The following SUGCT variants were observed in gnomAD, a reference collection of about 807,000 sequenced individuals.
SUGCT encodes succinyl-CoA:glutarate-CoA transferase.
In SUGCT, 41 loss-of-function variants were observed where a neutral mutation model predicts 55.0. The ratio of observed to expected loss-of-function variants is 0.74; its 90% CI spans 0.58 to 0.97. SUGCT has a LOEUF of 0.97. Among genes scored for constraint, SUGCT ranks in the 50% least tolerant of loss-of-function variants. The pLI, the probability that SUGCT is intolerant of heterozygous loss-of-function variation, is 0.00. For synonymous variants in SUGCT, 187 were observed against 200.4 expected, an observed-to-expected ratio of 0.93 and a Z score of 0.56; for missense variants, 568 against 547.8, an observed-to-expected ratio of 1.04 and a Z score of -0.37.
chr7:40,893,383 ATT>A, the SUGCT span, among the ~76,000 whole-genome samples: 1 of 152,212 alleles, frequency 6.6e-6, no homozygotes, highest in Non-Finnish European at 1.5e-5. Context: ...CAGAATACAT[ATT>A]CTTTTCAAAT....
chr7:40,996,058 G>C, the SUGCT span, among the ~76,000 whole-genome samples: 32 of 152,328 alleles, frequency 2.1e-4, no homozygotes, highest in East Asian at 5.6e-3. Flanking sequence ...TTTTGTCACA[G>C]ATGGAGAAAT....
At chr7:41,000,124 C>T in the SUGCT span, among the ~76,000 whole-genome samples, 1 of 152,040 alleles carries the variant, frequency 6.6e-6, no homozygotes, top group Non-Finnish European at 1.5e-5. Context: ...AATTGTAATT[C>T]AAATTCAAAG....
the SUGCT span, among the ~76,000 whole-genome samples, chr7:40,990,302 G>A: frequency 2.0e-5 from 3 of 152,168 alleles, no homozygotes; most frequent in Admixed American, 2.0e-4. Context: ...TATTAGTTTG[G>A]TGCAAAAGTA....
chr7:40,942,282 C>T, the SUGCT span, among the ~76,000 whole-genome samples: 22 of 152,184 alleles, frequency 1.4e-4, 1 homozygote, highest in South Asian at 4.3e-3. Flanking sequence ...CCAGCATTTG[C>T]TTGTCTGAAA....
intron 13 of SUGCT, among the ~76,000 whole-genome samples, chr7:40,754,028 G>A (rs1788141596): frequency 6.6e-6 from 1 of 152,136 alleles, no homozygotes; most frequent in African/African-American, 2.4e-5. Flanking sequence ...GGAAAGAAAT[G>A]TAATTTGTGT....
intron 12 of SUGCT, among the ~76,000 whole-genome samples, chr7:40,683,318 GTCGCT>G (rs1258846581): frequency 1.5e-4 from 23 of 152,258 alleles, no homozygotes; most frequent in African/African-American, 5.5e-4. Flanking sequence ...TTCTGCAAAT[GTCGCT>G]TCTCAGAGGG....
At chr7:40,693,561 T>C (rs1339243826) in intron 12 of SUGCT, among the ~76,000 whole-genome samples, 1 of 152,184 alleles carries the variant, frequency 6.6e-6, no homozygotes, top group African/African-American at 2.4e-5. Context: ...AACCCAGGCT[T>C]TTAGGCTTCA....
the SUGCT span, among the ~76,000 whole-genome samples, chr7:40,931,456 TC>T: frequency 6.6e-6 from 1 of 152,216 alleles, no homozygotes; most frequent in Non-Finnish European, 1.5e-5. Flanking sequence ...TAGGAAGGAT[TC>T]CCTCTTTTTC....
chr7:40,770,982 G>T (rs561314211), intron 13 of SUGCT, among the ~76,000 whole-genome samples: 45 of 152,152 alleles, frequency 3.0e-4, no homozygotes, highest in Non-Finnish European at 5.6e-4. Flanking sequence ...TATAGTGAAT[G>T]AATGAACTAA....
intron 12 of SUGCT, among the ~76,000 whole-genome samples, chr7:40,580,206 T>C (rs1797005351): frequency 6.6e-6 from 1 of 152,206 alleles, no homozygotes; most frequent in Non-Finnish European, 1.5e-5. Flanking sequence ...ATACACAGAA[T>C]ATGCACATAG....
In SUGCT at chr7:40,604,119, G is replaced by A. The variant is rs552623247; in HGVS notation, c.1089+107733G>A. ...AATGTGGGGGTAAAATTCCGGGCAG[G>A]CTTCTCGTTTCTGTGCTTGAGGCAT... On this transcript the variant is annotated intron_variant, in intron 12 of 13. Coordinates refer to ENST00000335693, the MANE Select transcript of SUGCT (RefSeq NM_001193313.2). 1.9e-4 allele frequency among the ~76,000 whole-genome samples: 29 copies of A among 152,216 alleles called. 1 individual carries two copies. Among genetic ancestry groups the A allele is most frequent in the African/African-American group, 6.3e-4 (26 of 41,546 alleles).
intron 12 of SUGCT, among the ~76,000 whole-genome samples, chr7:40,729,575 G>T (rs1786789809): frequency 6.6e-6 from 1 of 151,906 alleles, no homozygotes; most frequent in Admixed American, 6.6e-5. Flanking sequence ...TGCTGTTCAG[G>T]AATCTACAAG....
At chr7:40,181,126 GA>G (rs1785178754) in intron 2 of SUGCT, 128 bp downstream of exon 2, 6 of 728,222 alleles carry the variant, frequency 8.2e-6, no homozygotes, top group Non-Finnish European at 1.2e-5. Flanking sequence ...AATAAGAAAA[GA>G]AAAATTGCTG....
intron 12 of SUGCT, among the ~76,000 whole-genome samples, chr7:40,626,402 G>A (rs1268030166): frequency 1.3e-5 from 2 of 151,470 alleles, no homozygotes; most frequent in African/African-American, 2.4e-5. Context: ...GACTACAGGC[G>A]TGTGCCTAAT....
At chr7:40,880,833 C>T in the SUGCT span, among the ~76,000 whole-genome samples, 16 of 152,092 alleles carry the variant, frequency 1.1e-4, no homozygotes, top group Non-Finnish European at 2.1e-4. Context: ...GCAAAGGTAG[C>T]CAGTTAGATT....
intron 8 of SUGCT, among the ~76,000 whole-genome samples, chr7:40,296,812 A>G (rs897897768): frequency 1.3e-5 from 2 of 151,718 alleles, no homozygotes; most frequent in African/African-American, 4.8e-5. Flanking sequence ...TGTTGAACCC[A>G]CTTCTTTCTA....
intron 13 of SUGCT, among the ~76,000 whole-genome samples, chr7:40,826,377 A>G (rs1031020636): frequency 1.3e-5 from 2 of 152,156 alleles, no homozygotes; most frequent in African/African-American, 4.8e-5. Context: ...CAAACATGCT[A>G]TACACCTGTA....
At chr7:40,890,362 A>C in the SUGCT span, among the ~76,000 whole-genome samples, 1 of 146,120 alleles carries the variant, frequency 6.8e-6, no homozygotes, top group African/African-American at 2.5e-5. Context: ...TATTTATAAT[A>C]ATATAAATAT....
chr7:40,506,208 T>A (rs1792583402), intron 12 of SUGCT, among the ~76,000 whole-genome samples: 1 of 152,124 alleles, frequency 6.6e-6, no homozygotes, highest in Non-Finnish European at 1.5e-5. Flanking sequence ...TTTTTCCACG[T>A]TTTTTTGATC....
Sources: allele counts gnomAD v4.1 joint callset (sites outside exome capture counted in the v4.1 genomes callset), GRCh38; gene constraint gnomAD v4.1.1; transcripts MANE v1.5; gene names NCBI Gene and HGNC (gene_info 2026-07-23, HGNC 2026-07-21).